The following CDKAL1 variants were observed in gnomAD, a reference collection of about 807,000 sequenced individuals.
The protein encoded by CDKAL1 is threonylcarbamoyladenosine tRNA methylthiotransferase.
In CDKAL1, 32 loss-of-function variants were observed where a neutral mutation model predicts 68.2. The ratio of observed to expected loss-of-function variants is 0.47; its 90% CI spans 0.35 to 0.63. CDKAL1 has a LOEUF of 0.63. CDKAL1 is among the 30% of genes least tolerant of loss of function. The pLI is 0.00. For synonymous variants in CDKAL1, 234 were observed against 244.3 expected (o/e 0.96, Z 0.39); for missense variants, 606 against 696.7 (o/e 0.87, Z 1.47).
intron 9 of CDKAL1, among the ~76,000 whole-genome samples, chr6:20,883,317 GT>G (rs368858524): frequency 2.0e-4 from 31 of 152,304 alleles, no homozygotes; most frequent in Admixed American, 6.5e-4. Flanking sequence ...TAGTTGACAA[GT>G]GTAACTAGTT....
chr6:20,652,889 T>C (rs1768838373), intron 5 of CDKAL1, among the ~76,000 whole-genome samples: 1 of 152,226 alleles, frequency 6.6e-6, no homozygotes, highest in South Asian at 2.1e-4. Context: ...ACCTTTATCT[T>C]GACTTTTGTG....
chr6:21,032,487 TATA>T (rs1170643825), intron 11 of CDKAL1, among the ~76,000 whole-genome samples: 1 of 152,198 alleles, frequency 6.6e-6, no homozygotes, highest in Admixed American at 6.6e-5. Flanking sequence ...TAGAGCTGAT[TATA>T]ATACCTATTC....
chr6:21,099,471 C>T (rs569038778), intron 12 of CDKAL1, among the ~76,000 whole-genome samples: 4 of 152,036 alleles, frequency 2.6e-5, no homozygotes, highest in Non-Finnish European at 4.4e-5. Flanking sequence ...AAACAAATCA[C>T]AGACTACACA....
intron 5 of CDKAL1, among the ~76,000 whole-genome samples, chr6:20,711,260 A>G (rs1289912569): frequency 6.6e-6 from 1 of 152,226 alleles, no homozygotes; most frequent in African/African-American, 2.4e-5. Flanking sequence ...TTTTGTAGGT[A>G]TAAACACATT....
chr6:21,086,328 C>A (rs1429195362), intron 12 of CDKAL1, among the ~76,000 whole-genome samples: 2 of 152,096 alleles, frequency 1.3e-5, no homozygotes, highest in Non-Finnish European at 2.9e-5. Context: ...AAATAAAGTT[C>A]TGAGAAACTT....
At chr6:20,684,664 G>A (rs549900942) in intron 5 of CDKAL1, among the ~76,000 whole-genome samples, 12 of 152,146 alleles carry the variant, frequency 7.9e-5, no homozygotes, top group Non-Finnish European at 1.6e-4. Flanking sequence ...CTGTTGCTCC[G>A]CATCCTTGCC....
intron 8 of CDKAL1, among the ~76,000 whole-genome samples, chr6:20,791,174 A>G (rs1296663014): frequency 6.6e-6 from 1 of 151,952 alleles, no homozygotes; most frequent in African/African-American, 2.4e-5. Context: ...AAGTTATTCA[A>G]CCTCTCTATA....
intron 5 of CDKAL1, among the ~76,000 whole-genome samples, chr6:20,712,976 A>G (rs1771919996): frequency 6.7e-6 from 1 of 149,618 alleles, no homozygotes; most frequent in Admixed American, 6.7e-5. Flanking sequence ...TACAGTATGA[A>G]ACACTCTCTT....
chr6:21,097,583 T>C (rs903215923), intron 12 of CDKAL1, among the ~76,000 whole-genome samples: 7 of 152,228 alleles, frequency 4.6e-5, no homozygotes, highest in African/African-American at 7.2e-5. Context: ...TAATTGTTTA[T>C]TTACTTTTCT....
chr6:20,833,106 T>C (rs943028826), intron 8 of CDKAL1, among the ~76,000 whole-genome samples: 15 of 152,186 alleles, frequency 9.9e-5, no homozygotes, highest in African/African-American at 3.6e-4. Context: ...TAGGTCTGAG[T>C]TCCTGATGTA....
At position 20,539,668 on chromosome 6, in the gene CDKAL1, G is replaced by A. The variant is rs573706528; in HGVS notation, c.-6+4274G>A. ...AAATAACAAAGCCTGCATGACTGAGGGGAGCGTGGTAGGAAGTGGGGCCAG... is the reference window on the plus strand; with the variant it reads ...AAATAACAAAGCCTGCATGACTGAGAGGAGCGTGGTAGGAAGTGGGGCCAG... On this transcript the variant is annotated intron_variant, in intron 2 of 15. Coordinates refer to ENST00000274695, the MANE Select transcript of CDKAL1 (RefSeq NM_017774.3). This position sits in a 1 kb window ranked among gnomAD's most constrained non-coding sequence, Gnocchi z 4.3. 8.5e-5 allele frequency among the ~76,000 whole-genome samples: 13 copies of A among 152,288 alleles called. No individual in the cohort carries two copies. In the East Asian group the frequency reaches 2.1e-3, roughly 25 times the overall value.
chr6:21,156,442 A>AT (rs61298491), intron 13 of CDKAL1, among the ~76,000 whole-genome samples: 1 of 150,754 alleles, frequency 6.6e-6, no homozygotes, highest in Non-Finnish European at 1.5e-5. Flanking sequence ...AAAAAAAAAA[A>AT]GGAAAAATAA....
chr6:20,725,130 C>T (rs1581452609), intron 5 of CDKAL1, among the ~76,000 whole-genome samples: 1 of 151,998 alleles, frequency 6.6e-6, no homozygotes, highest in Admixed American at 6.5e-5. Flanking sequence ...TCCTCCCCAC[C>T]CCCGCCTTTT....
intron 13 of CDKAL1, among the ~76,000 whole-genome samples, chr6:21,123,592 T>C (rs976271511): frequency 2.0e-5 from 3 of 152,226 alleles, no homozygotes; most frequent in African/African-American, 7.2e-5. Context: ...ACCTGTCTTT[T>C]ACAGTACAAC....
chr6:21,124,930 G>A (rs979162386), intron 13 of CDKAL1, among the ~76,000 whole-genome samples: 1 of 151,944 alleles, frequency 6.6e-6, no homozygotes, highest in Admixed American at 6.5e-5. Context: ...TTCCTGGCTA[G>A]TAGCTCCTTA....
At chr6:20,822,026 G>A (rs957910376) in intron 8 of CDKAL1, among the ~76,000 whole-genome samples, 2 of 152,102 alleles carry the variant, frequency 1.3e-5, no homozygotes, top group Non-Finnish European at 2.9e-5. Flanking sequence ...AACCATGCTC[G>A]TATGTTTACA....
chr6:20,857,799 CT>C (rs1252065915), intron 9 of CDKAL1, among the ~76,000 whole-genome samples: 2 of 152,162 alleles, frequency 1.3e-5, no homozygotes, highest in African/African-American at 4.8e-5. Context: ...AGTTTTCTCT[CT>C]GTGATAGATA....
chr6:21,181,114 A>G (rs879929637), intron 13 of CDKAL1, among the ~76,000 whole-genome samples: 70 of 152,110 alleles, frequency 4.6e-4, no homozygotes, highest in Admixed American at 2.0e-4. Flanking sequence ...AGAGCTGAGA[A>G]AGCCACACTC....
At chr6:20,656,585 CT>C (rs1208675164) in intron 5 of CDKAL1, among the ~76,000 whole-genome samples, 2 of 151,994 alleles carry the variant, frequency 1.3e-5, no homozygotes, top group Non-Finnish European at 2.9e-5. Flanking sequence ...CTGATACCCC[CT>C]ATGTACTGAA....
Sources: gnomAD v4.1 joint callset for allele counts (sites outside exome capture counted in the v4.1 genomes callset) on GRCh38, gnomAD v4.1.1 for gene constraint, Gnocchi (gnomAD v3.1) non-coding constraint, MANE v1.5 for transcripts, NCBI Gene and HGNC (gene_info 2026-07-23, HGNC 2026-07-21) for gene names.